CEP43: variants seen among roughly 807,000 people sequenced by gnomAD.
CEP43 encodes FGFR1 oncogene partner.
In CEP43, 36 loss-of-function variants were observed where a neutral mutation model predicts 52.6. The observed-to-expected ratio is 0.68, with a 90% CI of 0.52 to 0.90. The LOEUF is 0.90. Ranked by LOEUF, CEP43 falls within the 40% of genes least tolerant of loss-of-function variation. The pLI is 0.00. For missense variants in CEP43, 506 were observed against 472.8 expected (o/e 1.07, Z -0.65); for synonymous variants, 192 against 172.4 (o/e 1.11, Z -0.89).
chr6:167,038,122 A>G (rs1780621022), intron 12 of CEP43, among the ~76,000 whole-genome samples: 1 of 152,244 alleles, frequency 6.6e-6, no homozygotes, highest in South Asian at 2.1e-4. Context: ...ATATCTATTA[A>G]TATTTCCTTT....
At chr6:167,032,515 A>G in intron 10 of CEP43, 88 bp from the exon 11 acceptor site, 2 of 1,229,812 alleles carry the variant, frequency 1.6e-6, no homozygotes, top group Non-Finnish European at 2.2e-6. Flanking sequence ...ATGCAATATA[A>G]TTAATTTTTT....
chr6:167,036,856 G>A, intron 12 of CEP43: 2 of 718,224 alleles, frequency 2.8e-6, no homozygotes, highest in Non-Finnish European at 3.4e-6. Flanking sequence ...TGCCTAGGCT[G>A]GAGTGCAATG....
rs973558245 is a variant in CEP43 at position 167,008,440 on chromosome 6, C to A, written c.439-2373C>A. Among the ~76,000 whole-genome samples, 51 of 152,156 alleles carry A rather than the reference C, an allele frequency of 3.4e-4. 1 individual carries two copies. Among genetic ancestry groups the A allele is most frequent in the African/African-American group, 1.2e-3 (50 of 41,514 alleles). On this transcript the variant is annotated intron_variant, in intron 5 of 12. Coordinates refer to ENST00000366847, the MANE Select transcript of CEP43 (RefSeq NM_007045.4). The stretch of plus-strand genomic sequence containing the variant: ...GGACAAGGGCTTTATCTTCATATCT[C>A]TTACACAGTCTAAGGCATTGTGATT...
At chr6:167,002,564 G>T (rs1562522171) in intron 2 of CEP43, among the ~76,000 whole-genome samples, 1 of 152,158 alleles carries the variant, frequency 6.6e-6, no homozygotes, top group Admixed American at 6.5e-5. Context: ...GTCCAAACTC[G>T]TTATGCCATT....
rs2114862909 is a variant in CEP43 at position 167,048,903 on chromosome 6, T to A, written c.*8925T>A. On this transcript the variant is annotated 3_prime_UTR_variant, in exon 13 of 13. Transcript: ENST00000366847. ...AACTTGAAAAAGGTTTCCAGAAATG[T>A]GACAATTCTAGTACTTTCATGACAT... 6.6e-6 allele frequency: 1 copy of A among 152,322 alleles called. No homozygotes were observed. The highest frequency in any genetic ancestry group is 6.5e-5 in the Admixed American group (1 of 15,296). 9.4% of individuals were successfully genotyped at this position (152,322 alleles called of 1,614,324 possible).
In CEP43 at chr6:166,999,515, G is replaced by A; in HGVS notation, c.102+1G>A. 1 of 1,438,280 alleles carries A rather than the reference G, an allele frequency of 7.0e-7. No individual in the cohort carries two copies. Among genetic ancestry groups the A allele is most frequent in the Non-Finnish European group, 9.2e-7 (1 of 1,088,788 alleles). 89.1% of individuals were successfully genotyped at this position (1,438,280 alleles called of 1,614,324 possible). A position where few individuals can be genotyped will look rare whatever the true frequency, so the allele number is the denominator to read the frequency against. On this transcript the variant is annotated splice_donor_variant, in intron 1 of 12. Coordinates refer to ENST00000366847, the MANE Select transcript of CEP43 (RefSeq NM_007045.4). LOFTEE classifies it high-confidence loss of function. ...CAGCGGGGTCCTGAACCGCATCAAG[G>A]TGAGGCCGGAGGCTGGGGCCGGGCC... is the stretch of plus-strand genomic sequence containing the variant.
In CEP43 at chr6:167,031,390, A is replaced by G. The variant is rs78566491; in HGVS notation, c.989-1213A>G. 6.6e-5 allele frequency among the ~76,000 whole-genome samples: 10 copies of G among 152,266 alleles called. No individual in the cohort carries two copies. In the East Asian group the frequency reaches 1.9e-3, roughly 29 times the overall value. On this transcript the variant is annotated intron_variant, in intron 10 of 12. Transcript: ENST00000366847. ...GCACTAGCAGTATTTGGTTTGTTCC[A>G]CTGTTCCTCTTCACTAGAGTGTTTG...
intron 12 of CEP43, among the ~76,000 whole-genome samples, chr6:167,035,489 G>A (rs928085858): frequency 4.7e-4 from 72 of 152,050 alleles, no homozygotes; most frequent in African/African-American, 1.7e-3. Flanking sequence ...GGCAAGTTCT[G>A]TAAGTTCATC....
chr6:167,032,470 T>G lies in CEP43; in HGVS notation c.989-133T>G, dbSNP rs1780489675. 4 of 704,822 alleles carry G rather than the reference T, an allele frequency of 5.7e-6. No homozygotes were observed. The South Asian group carries it at 1.0e-4, about 18-fold the overall frequency. The allele number at this position is 704,822 out of a possible 1,614,324, so 43.7% of individuals were successfully genotyped here. ...CATTTGTCTTCATATTATATATGCT[T>G]AAAATGTTATTTCTAGTCTGGGACT... is the stretch of plus-strand genomic sequence containing the variant. On this transcript the variant is annotated intron_variant, in intron 10 of 12. Coordinates refer to ENST00000366847, the MANE Select transcript of CEP43 (RefSeq NM_007045.4).
chr6:167,026,400 TAATC>T lies in CEP43; in HGVS notation c.920-145_920-142del. 9.4e-6 allele frequency: 6 copies of T among 638,992 alleles called. No individual in the cohort carries two copies. The South Asian group carries it at 1.1e-4, about 12-fold the overall frequency. The allele number at this position is 638,992 out of a possible 1,614,324, so 39.6% of individuals were successfully genotyped here. On this transcript the variant is annotated intron_variant, in intron 9 of 12. Coordinates refer to ENST00000366847, the MANE Select transcript of CEP43 (RefSeq NM_007045.4). ...TGTGATGCATAGCTTAAGCGTTCAT[TAATC>T]ACAGTTTATTTTTTCCTTAGTTTTA... is the stretch of plus-strand genomic sequence containing the variant.
At chr6:167,009,636 A>G (rs1253338508) in intron 5 of CEP43, among the ~76,000 whole-genome samples, 1 of 148,108 alleles carries the variant, frequency 6.8e-6, no homozygotes, top group African/African-American at 2.5e-5. Context: ...TTGCACTCTA[A>G]CCTGGACAAC....
rs901691753 is a variant in CEP43 at position 167,050,825 on chromosome 6, A to T, written c.*10847A>T. 2.0e-5 allele frequency: 3 copies of T among 150,648 alleles called. No individual in the cohort carries two copies. The allele number at this position is 150,648 out of a possible 1,614,324, so 9.3% of individuals were successfully genotyped here. A position where few individuals can be genotyped will look rare whatever the true frequency, so the allele number is the denominator to read the frequency against. Reference sequence around the variant, plus strand: ...AAAAAGAAAGAAAATGAGACATTGGATTTGTAAGTTTCTGACAGGTTCATT... The same window carrying T: ...AAAAAGAAAGAAAATGAGACATTGGTTTTGTAAGTTTCTGACAGGTTCATT... On this transcript the variant is annotated 3_prime_UTR_variant, in exon 13 of 13. Coordinates refer to ENST00000366847, the MANE Select transcript of CEP43 (RefSeq NM_007045.4).
At chr6:167,015,215 T>C (rs187779672) in intron 7 of CEP43, among the ~76,000 whole-genome samples, 10 of 152,350 alleles carry the variant, frequency 6.6e-5, no homozygotes, top group Admixed American at 6.5e-4. Context: ...ATTTCATTGT[T>C]GTGTTCCTGA....
At chr6:167,031,452 A>G (rs913053205) in intron 10 of CEP43, among the ~76,000 whole-genome samples, 8 of 152,230 alleles carry the variant, frequency 5.3e-5, no homozygotes, top group South Asian at 2.1e-4. Flanking sequence ...AGTCATTGCT[A>G]TACCTCTAGG....
Position 167,040,095 on chromosome 6 carries a change from C to T in CEP43, c.*117C>T. ...TGCTCTCTATTGGTGCCTTGCATTT[C>T]AAAAACACTGCAGATATTTTTTAAA... On this transcript the variant is annotated 3_prime_UTR_variant, in exon 13 of 13. Transcript: ENST00000366847. 6.2e-7 allele frequency: 1 copy of T among 1,603,320 alleles called. No homozygotes were observed. Among genetic ancestry groups the T allele is most frequent in the Non-Finnish European group, 8.5e-7 (1 of 1,174,448 alleles).
At position 167,041,443 on chromosome 6, in the gene CEP43, C is replaced by T. The variant is rs1035289609; in HGVS notation, c.*1465C>T. The stretch of plus-strand genomic sequence containing the variant: ...TGTGAGCTGCTATCTCAGTCTCCTT[C>T]AGCTCTTCATGTCTTAGTAAACAGC... On this transcript the variant is annotated 3_prime_UTR_variant, in exon 13 of 13. Transcript: ENST00000366847. 9.4e-7 allele frequency: 1 copy of T among 1,060,376 alleles called. No individual in the cohort carries two copies. The highest frequency in any genetic ancestry group is 4.6e-5 in the South Asian group (1 of 21,946). 65.7% of individuals were successfully genotyped at this position (1,060,376 alleles called of 1,614,324 possible). A position where few individuals can be genotyped will look rare whatever the true frequency, so the allele number is the denominator to read the frequency against.
At position 167,010,845 on chromosome 6, in the gene CEP43, A is replaced by C. The variant is rs779466923; in HGVS notation, c.471A>C (p.Pro157=). 1 of 1,596,472 alleles carries C rather than the reference A, an allele frequency of 6.3e-7. No homozygotes were observed. Among genetic ancestry groups the C allele is most frequent in the East Asian group, 2.3e-5 (1 of 43,828 alleles). ...GALDLSDVHS[P]PKSPEGKTSA... ...TTGATCTATCTGATGTACATTCTCC[A>C]CCAAAGTCACCAGAGGGAAAAACAA... The change falls in exon 6 of 13, where the codon CCA becomes CCC. Residue 157 remains proline, a synonymous_variant. Transcript: ENST00000366847.
intron 2 of CEP43, among the ~76,000 whole-genome samples, chr6:167,002,882 A>C (rs1428154392): frequency 6.6e-6 from 1 of 152,260 alleles, no homozygotes; most frequent in Non-Finnish European, 1.5e-5. Flanking sequence ...AACTTTTATC[A>C]AACTTCATGT....
intron 12 of CEP43, among the ~76,000 whole-genome samples, chr6:167,039,162 C>CTCTG (rs1780640861): frequency 6.6e-6 from 1 of 152,010 alleles, no homozygotes. Flanking sequence ...CGGAGTCTCG[C>CTCTG]TCTGTCACCC....
Sources: gnomAD v4.1 joint callset for allele counts (sites outside exome capture counted in the v4.1 genomes callset) on GRCh38, gnomAD v4.1.1 for gene constraint, MANE v1.5 for transcripts, NCBI Gene and HGNC (gene_info 2026-07-23, HGNC 2026-07-21) for gene names.